The following C12orf56 variants were observed in gnomAD, a reference collection of about 807,000 sequenced individuals.
The protein encoded by C12orf56 is chromosome 12 open reading frame 56.
A neutral mutation model predicts 69.9 loss-of-function variants in C12orf56; 71 were observed. That is an observed-to-expected ratio of 1.02 (90% CI 0.84 to 1.24). C12orf56 has a LOEUF of 1.24. Ranked by LOEUF, C12orf56 falls within the 50% of genes most tolerant of loss-of-function variation. The pLI is 0.00. For synonymous variants in C12orf56, 276 were observed against 274.1 expected, an observed-to-expected ratio of 1.01 and a Z score of -0.07; for missense variants, 732 against 738.5, an observed-to-expected ratio of 0.99 and a Z score of 0.10.
chr12:64,283,350 A>C (rs1450696839), intron 8 of C12orf56, among the ~76,000 whole-genome samples: 4 of 152,164 alleles, frequency 2.6e-5, no homozygotes, highest in African/African-American at 7.2e-5. Context: ...GTATCAAAAA[A>C]ATAAAATAAA....
At chr12:64,278,031 A>G (rs1423127148) in intron 8 of C12orf56, among the ~76,000 whole-genome samples, 2 of 152,154 alleles carry the variant, frequency 1.3e-5, no homozygotes, top group Non-Finnish European at 2.9e-5. Context: ...GTGTAGTTCT[A>G]GAAGTCCACA....
In C12orf56 at chr12:64,324,027, C is replaced by T. The variant is rs543889112; in HGVS notation, c.489-5047G>A. 3.6e-3 allele frequency among the ~76,000 whole-genome samples: 541 copies of T among 152,286 alleles called. 3 individuals are homozygous for T. Among genetic ancestry groups the T allele is most frequent in the African/African-American group, 0.013 (523 of 41,548 alleles). ...CTCAGTGCCCTGCTACAAGGCAGAG[C>T]CCTCCCCGCAGAAGCTCATAAGTCA... On this transcript the variant is annotated intron_variant, in intron 3 of 12. Coordinates refer to ENST00000543942, the MANE Select transcript of C12orf56 (RefSeq NM_001170633.2).
intron 1 of C12orf56, among the ~76,000 whole-genome samples, chr12:64,356,241 T>C (rs1044498499): frequency 4.0e-5 from 6 of 149,052 alleles, no homozygotes; most frequent in Non-Finnish European, 7.4e-5. Flanking sequence ...AGAGAGGTTA[T>C]ATATTTTGGT....
chr12:64,384,890 C>G (rs2039766810), intron 1 of C12orf56, among the ~76,000 whole-genome samples: 1 of 151,944 alleles, frequency 6.6e-6, no homozygotes, highest in Admixed American at 6.6e-5. Flanking sequence ...CCCGTCTCTA[C>G]TAAAAACACA....
At position 64,349,798 on chromosome 12, in the gene C12orf56, A is replaced by G. The variant is rs2039196707; in HGVS notation, c.415+3096T>C. 3.3e-5 allele frequency among the ~76,000 whole-genome samples: 5 copies of G among 152,216 alleles called. No individual in the cohort carries two copies. In the South Asian group the frequency reaches 1.0e-3, roughly 32 times the overall value. On this transcript the variant is annotated intron_variant, in intron 2 of 12. Transcript: ENST00000543942. ...TAACCTATGAGGATACAAAGGCATA[A>G]GAATGATATAATGGGCTGGGAATGG...
intron 1 of C12orf56, among the ~76,000 whole-genome samples, chr12:64,369,876 G>C (rs187076290): frequency 6.6e-6 from 1 of 151,702 alleles, no homozygotes; most frequent in South Asian, 2.1e-4. Flanking sequence ...CCAGCTACTC[G>C]GGAGGCTGAG....
intron 1 of C12orf56, among the ~76,000 whole-genome samples, chr12:64,357,611 C>A (rs58551757): frequency 0.12 from 18,336 of 151,830 alleles, 1,293 homozygotes; most frequent in East Asian, 0.36. Context: ...GAGATGAGAT[C>A]TCGGGCCAGG....
intron 10 of C12orf56, 104 bp from the exon 11 acceptor site, chr12:64,275,079 T>A: frequency 8.8e-7 from 1 of 1,138,318 alleles, no homozygotes; most frequent in South Asian, 1.5e-5. Context: ...AATCGAATCC[T>A]TAAAATCAGT....
chr12:64,387,653 A>C (rs2039812433), intron 1 of C12orf56, among the ~76,000 whole-genome samples: 1 of 152,032 alleles, frequency 6.6e-6, no homozygotes, highest in Non-Finnish European at 1.5e-5. Context: ...CTCTACAAAA[A>C]ATACGAAAAC....
intron 6 of C12orf56, among the ~76,000 whole-genome samples, chr12:64,297,110 C>T (rs576405345): frequency 3.3e-5 from 5 of 152,162 alleles, no homozygotes; most frequent in Middle Eastern, 3.2e-3. Flanking sequence ...GGGAGCTTCA[C>T]AGAACGTATG....
At chr12:64,277,911 T>C (rs2038074712) in intron 8 of C12orf56, 108 bp from the exon 9 acceptor site, 2 of 859,356 alleles carry the variant, frequency 2.3e-6, no homozygotes, top group South Asian at 3.6e-5. Context: ...GAATGAAGCA[T>C]TGCAGACCAT....
chr12:64,370,750 C>G (rs1467363036), intron 1 of C12orf56, among the ~76,000 whole-genome samples: 1 of 152,090 alleles, frequency 6.6e-6, no homozygotes, highest in Non-Finnish European at 1.5e-5. Flanking sequence ...AAGAAAAATG[C>G]TGAAGGCATC....
chr12:64,338,862 TGGGCA>T, intron 2 of C12orf56: 6 of 713,414 alleles, frequency 8.4e-6, no homozygotes, highest in Non-Finnish European at 1.5e-5. Context: ...GTGGGAGGAA[TGGGCA>T]GAGGAAACCC....
intron 3 of C12orf56, among the ~76,000 whole-genome samples, chr12:64,325,251 AGC>A (rs2038822479): frequency 6.6e-6 from 1 of 152,062 alleles, no homozygotes; most frequent in East Asian, 1.9e-4. Flanking sequence ...ATTAAGCAGC[AGC>A]AGTGGAGCTG....
intron 4 of C12orf56, among the ~76,000 whole-genome samples, chr12:64,316,281 T>C (rs1348208920): frequency 6.6e-6 from 1 of 151,950 alleles, no homozygotes; most frequent in Non-Finnish European, 1.5e-5. Flanking sequence ...TTTGTAGAGA[T>C]GGGATTTCAC....
intron 1 of C12orf56, among the ~76,000 whole-genome samples, chr12:64,378,775 G>A (rs1376101113): frequency 1.3e-5 from 2 of 152,048 alleles, no homozygotes; most frequent in South Asian, 2.1e-4. Context: ...ACCTGGCTGG[G>A]CATGGTGGCT....
At chr12:64,379,927 C>CAAA (rs200293677) in intron 1 of C12orf56, among the ~76,000 whole-genome samples, 4 of 114,112 alleles carry the variant, frequency 3.5e-5, no homozygotes, top group African/African-American at 4.6e-5. Context: ...ACTAAAAATA[C>CAAA]AAAAAAAAAA....
At chr12:64,383,217 T>C (rs915236223) in intron 1 of C12orf56, among the ~76,000 whole-genome samples, 4 of 151,412 alleles carry the variant, frequency 2.6e-5, no homozygotes, top group East Asian at 2.0e-4. Context: ...CTAAGGAGGC[T>C]GAGGTGGGAG....
intron 1 of C12orf56, among the ~76,000 whole-genome samples, chr12:64,386,976 G>A (rs1277320591): frequency 3.4e-5 from 5 of 148,134 alleles, no homozygotes; most frequent in African/African-American, 1.2e-4. Context: ...CTACTTAGGA[G>A]GCTGAGGTGG....
Sources: gnomAD v4.1 joint callset for allele counts (sites outside exome capture counted in the v4.1 genomes callset) on GRCh38, gnomAD v4.1.1 for gene constraint, MANE v1.5 for transcripts, NCBI Gene and HGNC (gene_info 2026-07-23, HGNC 2026-07-21) for gene names.